Variants in TTLL7 observed in about 807,000 individuals in gnomAD.
TTLL7 encodes tubulin tyrosine ligase like 7, also known as tubulin polyglutamylase TTLL7.
TTLL7 carries 53 observed loss-of-function variants against 120.2 expected under a neutral mutation model. That is an observed-to-expected ratio of 0.44 (90% CI 0.35 to 0.55). The LOEUF (loss-of-function observed/expected upper bound fraction) is 0.55. Ranked by LOEUF, TTLL7 falls within the 20% of genes least tolerant of loss-of-function variation. TTLL7 has a pLI of 0.00. For synonymous variants in TTLL7, 353 were observed against 351.7 expected, an observed-to-expected ratio of 1.00 and a Z score of -0.04; for missense variants, 803 against 1,054.7, an observed-to-expected ratio of 0.76 and a Z score of 3.31.
At chr1:83,986,131 T>G (rs1270734355) in intron 1 of TTLL7, among the ~76,000 whole-genome samples, 7 of 152,206 alleles carry the variant, frequency 4.6e-5, no homozygotes, top group Admixed American at 4.6e-4. Flanking sequence ...CCAATATATT[T>G]CATTCACTTA....
chr1:83,881,138 C>A (rs1212077426), intron 20 of TTLL7, among the ~76,000 whole-genome samples: 2 of 151,050 alleles, frequency 1.3e-5, no homozygotes, highest in East Asian at 3.9e-4. Context: ...CATAAAAACC[C>A]TAGAAGAAAA....
intron 20 of TTLL7, among the ~76,000 whole-genome samples, chr1:83,873,509 C>T (rs1653633409): frequency 6.6e-6 from 1 of 152,036 alleles, no homozygotes; most frequent in South Asian, 2.1e-4. Context: ...TTACAGCTTA[C>T]CTATTTTTCT....
intron 1 of TTLL7, among the ~76,000 whole-genome samples, chr1:83,990,235 G>A (rs1652860943): frequency 6.7e-6 from 1 of 150,238 alleles, no homozygotes; most frequent in South Asian, 2.1e-4. Context: ...GACTGCAGTG[G>A]CGCAATCTCG....
chr1:83,916,204 C>A (rs1658144844), intron 14 of TTLL7, among the ~76,000 whole-genome samples: 1 of 152,068 alleles, frequency 6.6e-6, no homozygotes, highest in Non-Finnish European at 1.5e-5. Context: ...ATGTTTATTG[C>A]AGCACTATTC....
intron 1 of TTLL7, among the ~76,000 whole-genome samples, chr1:83,973,110 C>G (rs1341285871): frequency 6.6e-6 from 1 of 151,968 alleles, no homozygotes; most frequent in African/African-American, 2.4e-5. Context: ...TTTCATGGAT[C>G]ATGCCTTTGG....
Position 83,911,424 on chromosome 1 carries a change from T to A in TTLL7, c.1588-61A>T, listed in dbSNP as rs1571157255. 8 of 1,335,354 alleles carry A rather than the reference T, an allele frequency of 6.0e-6. No individual in the cohort carries two copies. In the East Asian group the frequency reaches 1.9e-4, roughly 32 times the overall value. The allele number at this position is 1,335,354 out of a possible 1,614,324, so 82.7% of individuals were successfully genotyped here. A position where few individuals can be genotyped will look rare whatever the true frequency, so the allele number is the denominator to read the frequency against. ...TCTTAAAAAAGGTTTATTGATATGA[T>A]TAGTTACTATTTTTAATTTCCCCCT... On this transcript the variant is annotated intron_variant, in intron 14 of 20. Coordinates refer to ENST00000260505, the MANE Select transcript of TTLL7 (RefSeq NM_024686.6).
At chr1:83,874,957 G>A (rs1487886313) in intron 20 of TTLL7, among the ~76,000 whole-genome samples, 1 of 151,860 alleles carries the variant, frequency 6.6e-6, no homozygotes, top group African/African-American at 2.4e-5. Context: ...ATATCCAAGT[G>A]TCTTAACCTA....
intron 14 of TTLL7, among the ~76,000 whole-genome samples, chr1:83,916,919 A>G (rs1658238604): frequency 1.3e-5 from 2 of 151,986 alleles, no homozygotes; most frequent in South Asian, 4.2e-4. Context: ...GTGAGACACC[A>G]TCTCTTTAAA....
intron 1 of TTLL7, among the ~76,000 whole-genome samples, chr1:83,986,722 C>T (rs1652485988): frequency 1.3e-5 from 2 of 152,144 alleles, no homozygotes; most frequent in Non-Finnish European, 2.9e-5. Flanking sequence ...GCACCTGTGT[C>T]CCAGCTACTC....
intron 1 of TTLL7, among the ~76,000 whole-genome samples, chr1:83,972,148 T>C (rs967939663): frequency 7.9e-5 from 12 of 152,106 alleles, no homozygotes; most frequent in Admixed American, 3.3e-4. Flanking sequence ...AGGGTTTACA[T>C]TGGGGTTCAC....
intron 3 of TTLL7, among the ~76,000 whole-genome samples, chr1:83,951,548 CA>C (rs1649053049): frequency 1.3e-5 from 2 of 152,010 alleles, no homozygotes; most frequent in Admixed American, 6.6e-5. Context: ...GAAGAGCTGA[CA>C]AAATTAAACT....
chr1:83,911,770 A>T (rs1657695675), intron 14 of TTLL7, among the ~76,000 whole-genome samples: 1 of 151,876 alleles, frequency 6.6e-6, no homozygotes, highest in Admixed American at 6.6e-5. Flanking sequence ...TAACGTTCAG[A>T]GTTACTCAAT....
Position 83,868,343 on chromosome 1 carries a change from T to C in TTLL7, c.*1619A>G, listed in dbSNP as rs1653057356. 1.3e-5 allele frequency: 2 copies of C among 152,244 alleles called. No homozygotes were observed. The highest frequency in any genetic ancestry group is 3.8e-4 in the East Asian group (2 of 5,200). 9.4% of individuals were successfully genotyped at this position (152,244 alleles called of 1,614,324 possible). A position where few individuals can be genotyped will look rare whatever the true frequency, so the allele number is the denominator to read the frequency against. ...TAAATAAATTCTAAGAAGTGATGGC[T>C]GCACTGATGATTTCAATGTCAAAGT... On this transcript the variant is annotated 3_prime_UTR_variant, in exon 21 of 21. Transcript: ENST00000260505.
At chr1:83,971,628 T>C (rs663136) in intron 1 of TTLL7, among the ~76,000 whole-genome samples, 41,516 of 151,878 alleles carry the variant, frequency 0.27, 7,196 homozygotes, top group East Asian at 0.61. Context: ...TGCTGGAGTT[T>C]GCTAGCCTCT....
intron 14 of TTLL7, among the ~76,000 whole-genome samples, chr1:83,916,399 C>T (rs1658189563): frequency 6.6e-6 from 1 of 150,768 alleles, no homozygotes; most frequent in South Asian, 2.1e-4. Context: ...GGACAAAAAA[C>T]CAAACACCGC....
chr1:83,919,245 G>A (rs1658439724), intron 13 of TTLL7, among the ~76,000 whole-genome samples: 1 of 143,916 alleles, frequency 6.9e-6, no homozygotes, highest in African/African-American at 2.7e-5. Context: ...CTTTTACTAT[G>A]GTGTACAGAT....
intron 1 of TTLL7, among the ~76,000 whole-genome samples, chr1:83,965,562 T>C (rs1650383049): frequency 1.3e-5 from 2 of 152,144 alleles, no homozygotes; most frequent in African/African-American, 4.8e-5. Flanking sequence ...CTTGGTATTA[T>C]AATACTTGGT....
chr1:83,926,294 CCATT>C (rs1286090696), intron 10 of TTLL7, among the ~76,000 whole-genome samples: 1 of 148,324 alleles, frequency 6.7e-6, no homozygotes, highest in Non-Finnish European at 1.5e-5. Flanking sequence ...CACTATCCAT[CCATT>C]CATTCATTTA....
chr1:83,902,347 A>G (rs1487774674), intron 18 of TTLL7: 1 of 151,908 alleles, frequency 6.6e-6, no homozygotes, highest in Non-Finnish European at 1.5e-5. Context: ...AAGTGCCTGT[A>G]GTAACTGTGG....
Sources: gnomAD v4.1 joint callset for allele counts (sites outside exome capture counted in the v4.1 genomes callset) on GRCh38, gnomAD v4.1.1 for gene constraint, MANE v1.5 for transcripts, NCBI Gene and HGNC (gene_info 2026-07-23, HGNC 2026-07-21) for gene names.